SH3PXD2A: variants seen among roughly 807,000 people sequenced by gnomAD.
SH3PXD2A encodes the protein SH3 and PX domains 2A.
A neutral mutation model predicts 115.2 loss-of-function variants in SH3PXD2A; 32 were observed. The observed-to-expected ratio is 0.28, with a 90% CI of 0.21 to 0.37. The LOEUF is 0.37. Ranked by LOEUF, SH3PXD2A falls within the 10% of genes least tolerant of loss-of-function variation. The pLI, the probability that SH3PXD2A is intolerant of heterozygous loss-of-function variation, is 1.00. For missense variants in SH3PXD2A, 1,328 were observed against 1,498.7 expected (o/e 0.89, Z 1.88); for synonymous variants, 610 against 629.1 (o/e 0.97, Z 0.45).
chr10:103,712,123 C>G (rs1285399579), intron 5 of SH3PXD2A, among the ~76,000 whole-genome samples: 2 of 151,920 alleles, frequency 1.3e-5, no homozygotes, highest in Non-Finnish European at 2.9e-5. Flanking sequence ...TGGAACTGCT[C>G]TAAAATTGGA....
At chr10:103,635,230 G>A (rs1316444478) in intron 8 of SH3PXD2A, among the ~76,000 whole-genome samples, 4 of 152,236 alleles carry the variant, frequency 2.6e-5, no homozygotes, top group African/African-American at 9.6e-5. Context: ...TTCTCTGGCT[G>A]GCTGCCACAC....
At position 103,603,158 on chromosome 10, in the gene SH3PXD2A, G is replaced by A. The variant is rs1314818700; in HGVS notation, c.2060C>T (p.Ser687Leu). 1 of 1,613,712 alleles carries A rather than the reference G, an allele frequency of 6.2e-7. No individual in the cohort carries two copies. The highest frequency in any genetic ancestry group is 8.5e-7 in the Non-Finnish European group (1 of 1,180,002). Residue 687 changes from serine to leucine, a missense_variant, in exon 15 of 15, where the codon TCA becomes TTA. Ser to Leu is a moderately radical substitution (Grantham distance 145). Transcript: ENST00000369774. ...GGTGATGGATGAGGAAAAGGAGGCT[G>A]AGGAGTGGTTCTTCCCCATTTCTGC... ...AQAEMGKNHS[S>L]ASFSSSITIN...
chr10:103,684,523 T>C (rs889440693), intron 6 of SH3PXD2A, among the ~76,000 whole-genome samples: 36 of 152,060 alleles, frequency 2.4e-4, no homozygotes, highest in African/African-American at 8.2e-4. Flanking sequence ...CACATCCGGC[T>C]AATTTTTCGT....
chr10:103,829,632 C>T (rs148157390), intron 1 of SH3PXD2A, among the ~76,000 whole-genome samples: 28 of 152,322 alleles, frequency 1.8e-4, no homozygotes, highest in African/African-American at 6.3e-4. Context: ...GGCAGAAAGA[C>T]CGTGATGCCG....
intron 12 of SH3PXD2A, among the ~76,000 whole-genome samples, chr10:103,612,517 TA>T (rs1241281160): frequency 1.3e-5 from 2 of 152,220 alleles, no homozygotes; most frequent in Non-Finnish European, 2.9e-5. Context: ...GCCTTTACCA[TA>T]AGGAAAAGAA....
chr10:103,626,274 G>C (rs1254231960), intron 9 of SH3PXD2A, among the ~76,000 whole-genome samples: 1 of 152,264 alleles, frequency 6.6e-6, no homozygotes, highest in Non-Finnish European at 1.5e-5. Context: ...ACTTTGGCCT[G>C]GCAGCAGAAA....
chr10:103,657,873 G>A (rs1457664291), intron 8 of SH3PXD2A, among the ~76,000 whole-genome samples: 2 of 152,216 alleles, frequency 1.3e-5, no homozygotes, highest in East Asian at 3.9e-4. Context: ...CCTGCATCTC[G>A]CCTCAACCTA....
At chr10:103,644,114 C>CAA (rs71019685) in intron 8 of SH3PXD2A, among the ~76,000 whole-genome samples, 25 of 72,270 alleles carry the variant, frequency 3.5e-4, no homozygotes, top group South Asian at 6.9e-4. Flanking sequence ...GGCTCCATCC[C>CAA]AAAAAAAAAA....
rs777256655 is a variant in SH3PXD2A, at chr10:103,627,181, G to C, written c.626C>G (p.Ser209Cys). ...NESGWWFVST[S>C]EEQGWVPATY... ...GGCAGGGACCCAGCCCTGCTCCTCA[G>C]AAGTGCTCACGAACCACCAGCCTGC... The change falls in exon 9 of 15, where the codon TCT (serine) becomes TGT (cysteine). Residue 209 changes from serine to cysteine, a missense_variant. By Grantham distance (112) the Ser-to-Cys change is moderately radical (BLOSUM62 -1). Around this residue, in one of 5 missense-constraint regions of SH3PXD2A, gnomAD observed 509 missense variants for 628.3 expected, o/e 0.81. Coordinates refer to ENST00000369774, the MANE Select transcript of SH3PXD2A (RefSeq NM_001394015.1). This position sits in a 1 kb window ranked among gnomAD's most constrained non-coding sequence, Gnocchi z 4.4. 3 of 1,612,126 alleles carry C rather than the reference G, an allele frequency of 1.9e-6. No individual in the cohort carries two copies. The highest frequency in any genetic ancestry group is 2.5e-6 in the Non-Finnish European group (3 of 1,178,260).
At chr10:103,843,718 A>G (rs1470249365) in intron 1 of SH3PXD2A, among the ~76,000 whole-genome samples, 3 of 152,104 alleles carry the variant, frequency 2.0e-5, no homozygotes, top group African/African-American at 7.2e-5. Flanking sequence ...GACCTATGTG[A>G]CGAGCTCCCT....
At chr10:103,820,285 G>T (rs779274604) in intron 1 of SH3PXD2A, among the ~76,000 whole-genome samples, 124 of 152,174 alleles carry the variant, frequency 8.1e-4, no homozygotes, top group Admixed American at 1.8e-3. Flanking sequence ...TTCCTTCCGT[G>T]TGGCCAGAGG....
At position 103,756,996 on chromosome 10, in the gene SH3PXD2A, A is replaced by G. The variant is rs548671442; in HGVS notation, c.229+10098T>C. On this transcript the variant is annotated intron_variant, in intron 3 of 14. Transcript: ENST00000369774. The surrounding 1 kb of genome is among the most constrained non-coding windows in gnomAD (Gnocchi z 4.4). Reference sequence around the variant, plus strand: ...GCTGCCCACTTGCCCTCTCACCTCTATCAACCCTGGTCTCAGTAACCATCC... The same window carrying G: ...GCTGCCCACTTGCCCTCTCACCTCTGTCAACCCTGGTCTCAGTAACCATCC... 2.0e-5 allele frequency among the ~76,000 whole-genome samples: 3 copies of G among 152,180 alleles called. No individual in the cohort carries two copies. The highest frequency in any genetic ancestry group is 7.2e-5 in the African/African-American group (3 of 41,530).
At chr10:103,820,693 A>C (rs2039370654) in intron 1 of SH3PXD2A, among the ~76,000 whole-genome samples, 1 of 150,420 alleles carries the variant, frequency 6.6e-6, no homozygotes. Flanking sequence ...TATAGATTCC[A>C]GCCCTCCCAG....
intron 1 of SH3PXD2A, among the ~76,000 whole-genome samples, chr10:103,810,933 TGGACACAGGCGCGCGCGCGCACAC>T: frequency 2.2e-4 from 1 of 4,486 alleles, no homozygotes; most frequent in East Asian, 2.6e-3. Context: ...GACACACACA[TGGACACAGGCGCGCGCGCGCACAC>T]ACACACACAC....
chr10:103,698,331 A>T (rs1478991245), intron 5 of SH3PXD2A, among the ~76,000 whole-genome samples: 4 of 151,664 alleles, frequency 2.6e-5, no homozygotes, highest in African/African-American at 9.7e-5. Context: ...ACCCCTCACC[A>T]CTCTCCCTCC....
chr10:103,840,618 C>T lies in SH3PXD2A; in HGVS notation c.72+14577G>A, dbSNP rs149693568. 2.1e-3 allele frequency among the ~76,000 whole-genome samples: 313 copies of T among 152,336 alleles called. 1 individual carries two copies. The highest frequency in any genetic ancestry group is 7.0e-3 in the African/African-American group (293 of 41,574). Reference sequence around the variant, plus strand: ...GAAGGCCAGGAAACAAGAGGTTTCGCGAAGGACTCTGGAGTCCCGCTGCCT... The same window carrying T: ...GAAGGCCAGGAAACAAGAGGTTTCGTGAAGGACTCTGGAGTCCCGCTGCCT... On this transcript the variant is annotated intron_variant, in intron 1 of 14. Transcript: ENST00000369774.
intron 6 of SH3PXD2A, among the ~76,000 whole-genome samples, chr10:103,669,250 C>T (rs2037426344): frequency 6.6e-6 from 1 of 152,156 alleles, no homozygotes; most frequent in South Asian, 2.1e-4. Context: ...GAGTCTTGCT[C>T]CCCAACCCCA....
At chr10:103,771,409 A>T (rs1331726473) in intron 2 of SH3PXD2A, among the ~76,000 whole-genome samples, 2 of 152,102 alleles carry the variant, frequency 1.3e-5, no homozygotes, top group Non-Finnish European at 2.9e-5. Flanking sequence ...CCGTTTCTGT[A>T]TGCCTTCTCC....
At chr10:103,711,136 C>T (rs1465514943) in intron 5 of SH3PXD2A, among the ~76,000 whole-genome samples, 1 of 152,210 alleles carries the variant, frequency 6.6e-6, no homozygotes, top group Non-Finnish European at 1.5e-5. Flanking sequence ...GGCCACCTCC[C>T]TTAACAGCTC....
Sources: allele counts gnomAD v4.1 joint callset (sites outside exome capture counted in the v4.1 genomes callset), GRCh38; gene constraint gnomAD v4.1.1; regional missense constraint gnomAD v4.1.1; non-coding constraint Gnocchi (gnomAD v3.1); transcripts MANE v1.5; gene names NCBI Gene and HGNC (gene_info 2026-07-23, HGNC 2026-07-21).